DDX52: variants seen among roughly 807,000 people sequenced by gnomAD.
DDX52 encodes DExD-box helicase 52.
DDX52 carries 59 observed loss-of-function variants against 76.1 expected under a neutral mutation model. The ratio of observed to expected loss-of-function variants is 0.78; its 90% confidence interval spans 0.63 to 0.96. The LOEUF (loss-of-function observed/expected upper bound fraction) is 0.96, where lower values mean the gene tolerates loss of function less well. DDX52 is among the 40% of genes least tolerant of loss of function. The pLI is 0.00. For missense variants in DDX52, 707 were observed against 703.9 expected (o/e 1.00, Z -0.05); for synonymous variants, 231 against 244.1 (o/e 0.95, Z 0.50).
chr17:37,615,097 G>A (rs1287786013), intron 14 of DDX52: 1 of 152,256 alleles, frequency 6.6e-6, no homozygotes, highest in Non-Finnish European at 1.5e-5. Context: ...ATTCAGGTTT[G>A]TAGCTCAATG....
At chr17:37,637,464 G>A (rs1194718242) in intron 2 of DDX52, among the ~76,000 whole-genome samples, 2 of 151,790 alleles carry the variant, frequency 1.3e-5, no homozygotes, top group African/African-American at 2.4e-5. Context: ...TTGCTATGTT[G>A]CCCAAGCTGG....
intron 6 of DDX52, 46 bp from the exon 7 acceptor site, chr17:37,626,906 C>T (rs2030410574): frequency 6.6e-7 from 1 of 1,512,416 alleles, no homozygotes; most frequent in Admixed American, 1.9e-5. Context: ...AGGATTTATC[C>T]CTCTTGAACT....
chr17:37,630,249 A>G, intron 4 of DDX52, 76 bp from the exon 5 acceptor site: 1 of 1,394,038 alleles, frequency 7.2e-7, no homozygotes, highest in Non-Finnish European at 9.6e-7. Context: ...TAACGCTACC[A>G]GCCATAGAAA....
rs781681406 is a variant in DDX52 at position 37,621,466 on chromosome 17, G to T, written c.1282C>A (p.Leu428Ile). ...FVQSIERAKE[L>I]FHELIYEGIN... The stretch of plus-strand genomic sequence containing the variant: ...CCTTCATATATGAGCTCATGAAAAA[G>T]TTCTTTAGCCCTTTCAATGGACTGA... Residue 428 changes from leucine to isoleucine, a missense_variant, in exon 10 of 15, where the codon CTT becomes ATT. By Grantham distance (5) the Leu-to-Ile change is conservative (BLOSUM62 2). Transcript: ENST00000617633. 10 of 1,613,726 alleles carry T rather than the reference G, an allele frequency of 6.2e-6. No homozygotes were observed. Among genetic ancestry groups the T allele is most frequent in the Non-Finnish European group, 8.5e-6 (10 of 1,179,864 alleles).
chr17:37,616,769 GT>G (rs1304334394), intron 14 of DDX52, among the ~76,000 whole-genome samples: 6 of 151,806 alleles, frequency 4.0e-5, no homozygotes, highest in Admixed American at 3.9e-4. Context: ...ACTTTTTTCA[GT>G]TTGTAGCACT....
At chr17:37,627,513 C>T (rs1413702315) in intron 6 of DDX52, among the ~76,000 whole-genome samples, 3 of 151,934 alleles carry the variant, frequency 2.0e-5, no homozygotes, top group African/African-American at 7.3e-5. Context: ...TCCCAAAATG[C>T]CGGATTACAG....
intron 5 of DDX52, among the ~76,000 whole-genome samples, chr17:37,629,701 C>T (rs1183975375): frequency 4.6e-5 from 7 of 151,856 alleles, no homozygotes; most frequent in Non-Finnish European, 8.8e-5. Context: ...AAATAAAAAC[C>T]AAAACTAAGA....
Position 37,642,129 on chromosome 17 carries a change from T to C in DDX52, c.267A>G (p.Lys89=). Reference sequence around the variant, plus strand: ...ACTAACCTGAAGTCATCGTCTTCCTTTTTTTCTTGCTCTGCTCCCTCTTCC... The same window carrying C: ...ACTAACCTGAAGTCATCGTCTTCCTCTTTTTCTTGCTCTGCTCCCTCTTCC... ...TERKREQSKK[K]RKTMTSEIAS... Residue 89 remains lysine (K), a synonymous_variant, in exon 2 of 15, where the codon AAA becomes AAG. Coordinates refer to ENST00000617633, the MANE Select transcript of DDX52 (RefSeq NM_007010.5). The C allele has an allele frequency of 6.2e-7, 1 of 1,613,526 alleles. No individual in the cohort carries two copies.
intron 13 of DDX52, among the ~76,000 whole-genome samples, chr17:37,619,247 C>T (rs1029920656): frequency 4.6e-5 from 7 of 151,982 alleles, no homozygotes; most frequent in East Asian, 3.9e-4. Context: ...GGCATGGTGG[C>T]GCACACCTGT....
At chr17:37,639,368 C>T in intron 2 of DDX52, 3 of 985,744 alleles carry the variant, frequency 3.0e-6, no homozygotes, top group Non-Finnish European at 3.6e-6. Context: ...AATTTTGTTC[C>T]CTTTATGAGA....
intron 13 of DDX52, 78 bp from the exon 14 acceptor site, chr17:37,618,462 A>G: frequency 1.6e-6 from 2 of 1,217,126 alleles, no homozygotes. Flanking sequence ...ATTAGTTTTG[A>G]TCCTTGATCA....
At chr17:37,624,642 A>G (rs936561270) in intron 8 of DDX52, among the ~76,000 whole-genome samples, 4 of 152,186 alleles carry the variant, frequency 2.6e-5, no homozygotes, top group Non-Finnish European at 5.9e-5. Flanking sequence ...AATATCTTGA[A>G]ATGCCACCCA....
At chr17:37,615,544 G>A (rs1349715968) in intron 14 of DDX52, among the ~76,000 whole-genome samples, 1 of 152,074 alleles carries the variant, frequency 6.6e-6, no homozygotes, top group African/African-American at 2.4e-5. Context: ...GCCAGGCACG[G>A]TGGCATAAGC....
chr17:37,621,048 A>G, intron 11 of DDX52, 79 bp downstream of exon 11: 1 of 1,555,908 alleles, frequency 6.4e-7, no homozygotes, highest in Non-Finnish European at 8.7e-7. Flanking sequence ...CTAAGAAGTG[A>G]GCATATGTGC....
intron 14 of DDX52, among the ~76,000 whole-genome samples, chr17:37,617,675 A>G (rs2029878327): frequency 6.6e-6 from 1 of 152,232 alleles, no homozygotes; most frequent in Non-Finnish European, 1.5e-5. Context: ...ATGTAAGTCA[A>G]TGGTCCTAAC....
Position 37,643,410 on chromosome 17 carries a change from T to G in DDX52, c.11A>C (p.His4Pro). MDV[H>P]DLFRRLGAGA... ...CGCGCCGAGCCGGCGAAAGAGATCGTGGACGTCCATCTTTACCCAGAAAGC... is the reference window on the plus strand; with the variant it reads ...CGCGCCGAGCCGGCGAAAGAGATCGGGGACGTCCATCTTTACCCAGAAAGC... Residue 4 changes from histidine (H) to proline (P), a missense_variant, in exon 1 of 15, where the codon CAC (histidine) becomes CCC (proline). Transcript: ENST00000617633. The G allele has an allele frequency of 6.2e-7, 1 of 1,613,972 alleles. No individual in the cohort carries two copies. The highest frequency in any genetic ancestry group is 8.5e-7 in the Non-Finnish European group (1 of 1,179,926).
chr17:37,630,202 C>T, intron 4 of DDX52, 29 bp from the exon 5 acceptor site: 1 of 1,540,878 alleles, frequency 6.5e-7, no homozygotes, highest in Non-Finnish European at 8.7e-7. Context: ...TTAAATACTA[C>T]AAAGAAAGTA....
intron 9 of DDX52, among the ~76,000 whole-genome samples, 156 bp from the exon 10 acceptor site, chr17:37,621,676 C>T (rs111798655): frequency 6.6e-6 from 1 of 152,182 alleles, no homozygotes; most frequent in Admixed American, 6.5e-5. Flanking sequence ...CCTCCATCTT[C>T]GTCACCATTC....
chr17:37,631,781 C>T (rs922116694), intron 4 of DDX52: 3 of 302,830 alleles, frequency 9.9e-6, no homozygotes, highest in Non-Finnish European at 1.8e-5. Flanking sequence ...AGGGGTTACA[C>T]ACTAGTAAAA....
Sources: allele counts gnomAD v4.1 joint callset (sites outside exome capture counted in the v4.1 genomes callset), GRCh38; gene constraint gnomAD v4.1.1; transcripts MANE v1.5; gene names NCBI Gene and HGNC (gene_info 2026-07-23, HGNC 2026-07-21).